PRKCQ: variants seen among roughly 807,000 people sequenced by gnomAD.
The protein encoded by PRKCQ is protein kinase C theta type.
A neutral mutation model predicts 91.2 loss-of-function variants in PRKCQ; 41 were observed. That is an observed-to-expected ratio of 0.45 (90% confidence interval 0.35 to 0.58). The LOEUF is 0.58. PRKCQ is among the 20% of genes least tolerant of loss of function. The probability of loss-of-function intolerance (pLI) is 0.00; values close to 1 mark genes in which losing one functional copy is unlikely to be tolerated. For missense variants in PRKCQ, 673 were observed against 896.5 expected, an observed-to-expected ratio of 0.75 and a Z score of 3.18; for synonymous variants, 307 against 316.9, an observed-to-expected ratio of 0.97 and a Z score of 0.33.
chr10:6,498,589 G>A (rs1837745334), intron 4 of PRKCQ, 31 bp from the exon 5 acceptor site: 1 of 1,606,784 alleles, frequency 6.2e-7, no homozygotes, highest in South Asian at 1.1e-5. Context: ...AGAAAGTGAA[G>A]TTCTGCAAAA....
upstream of PRKCQ, chr10:6,580,385 G>T (rs2130996839): frequency 6.6e-6 from 1 of 151,572 alleles, no homozygotes; most frequent in African/African-American, 2.4e-5. Flanking sequence ...GCGCTCGCCA[G>T]CCTCCCCGCC....
intron 11 of PRKCQ, among the ~76,000 whole-genome samples, chr10:6,482,072 C>T (rs1284061353): frequency 2.0e-5 from 3 of 151,826 alleles, no homozygotes; most frequent in African/African-American, 4.8e-5. Context: ...GACAACCCCC[C>T]ACCTGCATGT....
At position 6,441,952 on chromosome 10, in the gene PRKCQ, T is replaced by G. The variant is rs1441733311; in HGVS notation, c.1777A>C (p.Met593Leu). The G allele has an allele frequency of 6.2e-7, 1 of 1,614,076 alleles. No homozygotes were observed. Among genetic ancestry groups the G allele is most frequent in the Non-Finnish European group, 8.5e-7 (1 of 1,179,974 alleles). Reference protein sequence around the residue: ...DEEELFHSIRMDNPFYPRWLE... With the variant: ...DEEELFHSIRLDNPFYPRWLE... ...CACCGTGGGTAAAAGGGATTGTCCA[T>G]GCGGATGGAGTGGAAGAGCTCCTCC... Residue 593 changes from methionine to leucine, a missense_variant, in exon 16 of 18, where the codon ATG (methionine) becomes CTG (leucine). Transcript: ENST00000263125.
intron 1 of PRKCQ, among the ~76,000 whole-genome samples, chr10:6,551,089 T>C (rs1840165107): frequency 1.3e-5 from 2 of 152,198 alleles, no homozygotes; most frequent in African/African-American, 4.8e-5. Context: ...GTACAGATTA[T>C]TTCATCACCC....
At chr10:6,403,539 T>C in the PRKCQ span, among the ~76,000 whole-genome samples, 1 of 152,198 alleles carries the variant, frequency 6.6e-6, no homozygotes, top group South Asian at 2.1e-4. Context: ...CCGACTTTGG[T>C]GGGTCTAAGA....
At chr10:6,405,015 T>TCTC in the PRKCQ span, among the ~76,000 whole-genome samples, 1 of 150,610 alleles carries the variant, frequency 6.6e-6, no homozygotes, top group Non-Finnish European at 1.5e-5. Flanking sequence ...ACATGGGGTC[T>TCTC]CACTCTGTTG....
At chr10:6,570,239 G>A (rs1156521435) in intron 1 of PRKCQ, among the ~76,000 whole-genome samples, 4 of 152,162 alleles carry the variant, frequency 2.6e-5, no homozygotes, top group African/African-American at 7.2e-5. Flanking sequence ...GCAAGGCCAG[G>A]CATCTGTCGT....
At chr10:6,569,479 T>C (rs752356112) in intron 1 of PRKCQ, among the ~76,000 whole-genome samples, 1 of 152,088 alleles carries the variant, frequency 6.6e-6, no homozygotes, top group Non-Finnish European at 1.5e-5. Context: ...TCAGGGAGGC[T>C]GGGCTTTATC....
intron 11 of PRKCQ, among the ~76,000 whole-genome samples, chr10:6,481,433 C>T (rs961080416): frequency 2.6e-5 from 4 of 152,198 alleles, no homozygotes; most frequent in Admixed American, 2.0e-4. Context: ...TATAATTGCA[C>T]ATTAATTGCT....
At position 6,497,341 on chromosome 10, in the gene PRKCQ, C is replaced by A; in HGVS notation, c.543-90G>T. 2 of 1,449,742 alleles carry A rather than the reference C, an allele frequency of 1.4e-6. No homozygotes were observed. Among genetic ancestry groups the A allele is most frequent in the South Asian group, 1.1e-5 (1 of 86,998 alleles). The allele number at this position is 1,449,742 out of a possible 1,614,324, so 89.8% of individuals were successfully genotyped here. On this transcript the variant is annotated intron_variant, in intron 5 of 17. Transcript: ENST00000263125. The surrounding 1 kb of genome is among the most constrained non-coding windows in gnomAD (Gnocchi z 4.5). ...AGAGATGGATGAGATCTCATAACCC[C>A]CTAAGATCACAGAGCAGTTTCTGAT...
intron 1 of PRKCQ, among the ~76,000 whole-genome samples, chr10:6,553,499 A>AC (rs1554782517): frequency 0.019 from 111 of 5,998 alleles, no homozygotes; most frequent in African/African-American, 0.028. Flanking sequence ...CAAAAAAAAA[A>AC]AAAAAAAAAA....
At chr10:6,431,183 C>G (rs1211028113) in intron 16 of PRKCQ, among the ~76,000 whole-genome samples, 2 of 152,216 alleles carry the variant, frequency 1.3e-5, no homozygotes, top group Non-Finnish European at 2.9e-5. Context: ...CGGCTTTGCC[C>G]TGTGTTATTA....
intron 17 of PRKCQ, 152 bp from the exon 18 acceptor site, chr10:6,428,514 G>T: frequency 1.3e-6 from 1 of 747,390 alleles, no homozygotes; most frequent in Non-Finnish European, 2.2e-6. Flanking sequence ...AGATGACCAT[G>T]CCCAGCTCTC....
intron 2 of PRKCQ, among the ~76,000 whole-genome samples, chr10:6,513,261 T>C (rs1049065746): frequency 6.6e-6 from 1 of 152,092 alleles, no homozygotes; most frequent in Non-Finnish European, 1.5e-5. Flanking sequence ...TAGAAGTAAA[T>C]ATTGAATGAT....
intron 1 of PRKCQ, among the ~76,000 whole-genome samples, chr10:6,520,893 A>C (rs1044223932): frequency 5.3e-5 from 8 of 152,192 alleles, no homozygotes; most frequent in African/African-American, 2.4e-5. Flanking sequence ...CACTCAGAAG[A>C]GGGGTTTGAC....
downstream of PRKCQ, among the ~76,000 whole-genome samples, chr10:6,422,905 G>A (rs1186537899): frequency 2.0e-5 from 3 of 152,174 alleles, no homozygotes; most frequent in East Asian, 3.9e-4. Flanking sequence ...CCCCCTGGTG[G>A]GAGTTGCTGC....
intron 1 of PRKCQ, among the ~76,000 whole-genome samples, chr10:6,570,537 A>G (rs1027160164): frequency 6.6e-6 from 1 of 150,436 alleles, no homozygotes; most frequent in Non-Finnish European, 1.5e-5. Context: ...AGCCTCAGAC[A>G]GGAACTAAGG....
chr10:6,456,594 C>G, intron 15 of PRKCQ, 80 bp downstream of exon 15: 1 of 1,534,230 alleles, frequency 6.5e-7, no homozygotes, highest in Non-Finnish European at 8.8e-7. Context: ...TTAAAACCTT[C>G]TGATTTTCAG....
At chr10:6,468,159 G>C (rs137926667) in intron 12 of PRKCQ, among the ~76,000 whole-genome samples, 79 of 152,332 alleles carry the variant, frequency 5.2e-4, no homozygotes, top group African/African-American at 1.8e-3. Flanking sequence ...AAAGGTCCTA[G>C]AGCTGTCAAA....
Sources: allele counts gnomAD v4.1 joint callset (sites outside exome capture counted in the v4.1 genomes callset), GRCh38; gene constraint gnomAD v4.1.1; non-coding constraint Gnocchi (gnomAD v3.1); transcripts MANE v1.5; gene names NCBI Gene and HGNC (gene_info 2026-07-23, HGNC 2026-07-21).